The following PRIM2 variants were observed in gnomAD, a reference collection of about 807,000 sequenced individuals.
PRIM2 encodes the protein DNA primase large subunit.
A neutral mutation model predicts 67.3 loss-of-function variants in PRIM2; 39 were observed. The ratio of observed to expected loss-of-function variants is 0.58; its 90% CI spans 0.45 to 0.76. PRIM2 has a LOEUF of 0.76. PRIM2 is among the 30% of genes least tolerant of loss of function. The pLI, the probability that PRIM2 is intolerant of heterozygous loss-of-function variation, is 0.00. For synonymous variants in PRIM2, 143 were observed against 198.7 expected, an observed-to-expected ratio of 0.72 and a Z score of 2.36; for missense variants, 398 against 598.7, an observed-to-expected ratio of 0.66 and a Z score of 3.50.
chr6:57,247,627 G>A, the PRIM2 span, among the ~76,000 whole-genome samples: 1 of 152,176 alleles, frequency 6.6e-6, no homozygotes, highest in East Asian at 1.9e-4. Context: ...TGTTCTCTAT[G>A]TGGTTGCTCT....
At chr6:57,499,920 C>G (rs1382118846) in intron 7 of PRIM2, among the ~76,000 whole-genome samples, 7 of 152,184 alleles carry the variant, frequency 4.6e-5, no homozygotes, top group Admixed American at 4.6e-4. Context: ...ACACTTAAAT[C>G]TAAATGTAAA....
At chr6:57,317,831 T>G (rs1190222667) in intron 1 of PRIM2, 130 bp downstream of exon 1, 4 of 152,832 alleles carry the variant, frequency 2.6e-5, no homozygotes, top group Admixed American at 2.0e-4. Flanking sequence ...GGGTTGGTTG[T>G]TTGGGGCAGA....
At chr6:57,351,262 A>G (rs2127300874) in intron 5 of PRIM2, among the ~76,000 whole-genome samples, 1 of 152,146 alleles carries the variant, frequency 6.6e-6, no homozygotes, top group Non-Finnish European at 1.5e-5. Flanking sequence ...TGCTCCAGTG[A>G]GCATTTAACC....
intron 10 of PRIM2, among the ~76,000 whole-genome samples, chr6:57,598,175 G>A (rs1461373878): frequency 1.3e-5 from 2 of 152,210 alleles, no homozygotes; most frequent in Middle Eastern, 3.4e-3. Flanking sequence ...AACATTTGAT[G>A]TGCTCCACAG....
In PRIM2 at chr6:57,591,326, A is replaced by G. The variant is rs1776278255; in HGVS notation, c.1021-9767A>G. Among the ~76,000 whole-genome samples, 3 of 152,308 alleles carry G rather than the reference A, an allele frequency of 2.0e-5. No homozygotes were observed. In the East Asian group the frequency reaches 5.8e-4, roughly 29 times the overall value. On this transcript the variant is annotated intron_variant, in intron 10 of 13. Transcript: ENST00000615550. ...CAATAGGTCAAAAAATTATCGCAAG[A>G]ATATGTGCTAAGAAAAGGCCATAAG... is the stretch of plus-strand genomic sequence containing the variant.
chr6:57,454,378 G>C (rs1301396750), intron 7 of PRIM2, among the ~76,000 whole-genome samples: 1 of 152,148 alleles, frequency 6.6e-6, no homozygotes, highest in African/African-American at 2.4e-5. Flanking sequence ...GTTCCTTCTT[G>C]TACCTCTGGT....
At chr6:57,471,927 G>T (rs1453873877) in intron 7 of PRIM2, among the ~76,000 whole-genome samples, 1 of 151,808 alleles carries the variant, frequency 6.6e-6, no homozygotes, top group East Asian at 1.9e-4. Context: ...AAAGATGAAA[G>T]GTATTATAAA....
chr6:57,230,488 A>C, the PRIM2 span, among the ~76,000 whole-genome samples: 3 of 152,084 alleles, frequency 2.0e-5, no homozygotes, highest in Non-Finnish European at 2.9e-5. Flanking sequence ...GTATATGTTT[A>C]TCTACGCTTA....
intron 7 of PRIM2, among the ~76,000 whole-genome samples, chr6:57,484,344 T>A (rs1453148419): frequency 3.9e-5 from 6 of 152,192 alleles, no homozygotes; most frequent in Non-Finnish European, 8.8e-5. Context: ...TGTTGTAGGG[T>A]TTATGCTGCT....
intron 12 of PRIM2, among the ~76,000 whole-genome samples, chr6:57,612,241 T>C (rs1369126507): frequency 1.3e-5 from 2 of 152,136 alleles, no homozygotes; most frequent in Non-Finnish European, 2.9e-5. Context: ...CTAATATTTA[T>C]AGAATTGAAA....
In PRIM2 at chr6:57,327,228, T is replaced by C. The variant is rs140084517; in HGVS notation, c.459+1183T>C. ...AGAATTTATGTCTTTTAGGTAGATA[T>C]ATGCCACAATGGGAATGTAGAAACA... On this transcript the variant is annotated intron_variant, in intron 5 of 13. Transcript: ENST00000615550. 6.3e-3 allele frequency among the ~76,000 whole-genome samples: 955 copies of C among 152,240 alleles called. 35 individuals are homozygous for C. The highest frequency in any genetic ancestry group is 0.056 in the Admixed American group (857 of 15,274).
chr6:57,307,744 G>A, the PRIM2 span, among the ~76,000 whole-genome samples: 1 of 152,188 alleles, frequency 6.6e-6, no homozygotes, highest in Non-Finnish European at 1.5e-5. Flanking sequence ...GCAATGACAG[G>A]TTGAGGGACA....
intron 7 of PRIM2, among the ~76,000 whole-genome samples, chr6:57,463,152 G>C (rs1228867070): frequency 3.3e-5 from 5 of 152,198 alleles, no homozygotes; most frequent in Non-Finnish European, 7.3e-5. Flanking sequence ...CTGAGTTCTA[G>C]TTCTGGTTTT....
At chr6:57,625,751 TAAAG>T (rs1168803516) in intron 12 of PRIM2, among the ~76,000 whole-genome samples, 2 of 152,148 alleles carry the variant, frequency 1.3e-5, no homozygotes, top group Non-Finnish European at 2.9e-5. Flanking sequence ...TTATAGATAA[TAAAG>T]AGTCAGAAAA....
At chr6:57,375,529 C>T (rs9464455) in intron 5 of PRIM2, among the ~76,000 whole-genome samples, 14,122 of 145,470 alleles carry the variant, frequency 0.097, 1,437 homozygotes, top group African/African-American at 0.27. Flanking sequence ...TGATGTTTTC[C>T]TTTTTTTTGT....
chr6:57,420,768 A>C (rs1562744090), intron 7 of PRIM2, among the ~76,000 whole-genome samples: 1 of 152,184 alleles, frequency 6.6e-6, no homozygotes, highest in African/African-American at 2.4e-5. Flanking sequence ...GAAAATAACT[A>C]TGTTGATAGT....
chr6:57,552,715 A>AT (rs1242822252), intron 10 of PRIM2, among the ~76,000 whole-genome samples: 44 of 150,728 alleles, frequency 2.9e-4, no homozygotes, highest in East Asian at 1.2e-3. Context: ...TGGTTGAGAC[A>AT]TTTTTTTTTA....
chr6:57,556,127 C>T (rs1220374520), intron 10 of PRIM2, among the ~76,000 whole-genome samples: 3 of 152,164 alleles, frequency 2.0e-5, no homozygotes, highest in Non-Finnish European at 2.9e-5. Flanking sequence ...GAAAATACTG[C>T]TCAAAGAAAT....
the PRIM2 span, among the ~76,000 whole-genome samples, chr6:57,287,038 C>A: frequency 6.6e-6 from 1 of 152,160 alleles, no homozygotes; most frequent in Non-Finnish European, 1.5e-5. Flanking sequence ...TAGAGAAATG[C>A]AAATGAAAAC....
Sources: gnomAD v4.1 joint callset for allele counts (sites outside exome capture counted in the v4.1 genomes callset) on GRCh38, gnomAD v4.1.1 for gene constraint, MANE v1.5 for transcripts, NCBI Gene and HGNC (gene_info 2026-07-23, HGNC 2026-07-21) for gene names.